Variants in CAD observed in about 807,000 individuals in gnomAD.
CAD encodes multifunctional protein CAD.
In CAD, 81 loss-of-function variants were observed where a neutral mutation model predicts 237.2. The observed-to-expected ratio is 0.34, with a 90% confidence interval of 0.29 to 0.41. CAD has a LOEUF of 0.41. CAD is among the 10% of genes least tolerant of loss of function. CAD has a pLI of 1.00. For synonymous variants in CAD, 1,196 were observed against 1,162.8 expected, an observed-to-expected ratio of 1.03 and a Z score of -0.58; for missense variants, 2,181 against 2,951.7, an observed-to-expected ratio of 0.74 and a Z score of 6.05.
At position 27,233,453 on chromosome 2, in the gene CAD, G is replaced by T. The variant is rs1169888310; in HGVS notation, c.3133G>T (p.Ala1045Ser). 1 of 1,614,118 alleles carries T rather than the reference G, an allele frequency of 6.2e-7. No homozygotes were observed. Among genetic ancestry groups the T allele is most frequent in the Non-Finnish European group, 8.5e-7 (1 of 1,180,054 alleles). Residue 1045 changes from alanine (A) to serine (S), a missense_variant, in exon 20 of 44, where the codon GCT becomes TCT. Coordinates refer to ENST00000264705, the MANE Select transcript of CAD (RefSeq NM_004341.5). This position sits in a 1 kb window ranked among gnomAD's most constrained non-coding sequence, Gnocchi z 6.3. ...CACCTCCCCTGAAGCCATTGACTCG[G>T]CTGAGAACCGTTTCAAGTTTTCCCG... ...LGTSPEAIDS[A>S]ENRFKFSRLL...
Position 27,221,251 on chromosome 2 carries a change from C to G in CAD, c.256C>G (p.Leu86Val), listed in dbSNP as rs762152842. ...ATCCTCGGGCATCCACGTAGCAGCA[C>G]TGGTAGTGGGAGAGTGCTGTCCTAC... ...FESSGIHVAA[L>V]VVGECCPTPS... Residue 86 changes from leucine (L) to valine (V), a missense_variant, in exon 3 of 44, where the codon CTG becomes GTG. Coordinates refer to ENST00000264705, the MANE Select transcript of CAD (RefSeq NM_004341.5). 1.3e-6 allele frequency: 2 copies of G among 1,580,580 alleles called. No homozygotes were observed. The highest frequency in any genetic ancestry group is 2.7e-5 in the African/African-American group (2 of 73,934).
chr2:27,239,067 T>C lies in CAD; in HGVS notation c.5088T>C (p.Cys1696=). 1.9e-6 allele frequency: 3 copies of C among 1,577,266 alleles called. No individual in the cohort carries two copies. The highest frequency in any genetic ancestry group is 2.6e-6 in the Non-Finnish European group (3 of 1,164,194). ...DHAPHTLEEK[C]GSRPPPGFPG... is the part of the protein sequence containing the mutation. ...CTCCCCATACCTTGGAGGAGAAGTG[T>C]GGGTCCAGGCCCCCACCTGGGTTCC... Residue 1696 remains cysteine, a synonymous_variant, in exon 32 of 44, where the codon TGT becomes TGC. Coordinates refer to ENST00000264705, the MANE Select transcript of CAD (RefSeq NM_004341.5). The surrounding 1 kb of genome is among the most constrained non-coding windows in gnomAD (Gnocchi z 4.0).
In CAD at chr2:27,239,025, G is replaced by T. The variant is rs1406006820; in HGVS notation, c.5063-17G>T. The T allele has an allele frequency of 6.5e-7, 1 of 1,538,008 alleles. No homozygotes were observed. Among genetic ancestry groups the T allele is most frequent in the South Asian group, 1.3e-5 (1 of 77,526 alleles). On this transcript the variant is annotated splice_polypyrimidine_tract_variant and intron_variant, in intron 31 of 43. Transcript: ENST00000264705. This position sits in a 1 kb window ranked among gnomAD's most constrained non-coding sequence, Gnocchi z 4.0. ...GGAGGTGATTGGTCCTGAGGGTAAT[G>T]GCTTTCTTTCTCCCAGCTCCCCATA... is the stretch of plus-strand genomic sequence containing the variant.
In CAD at chr2:27,240,236, A is replaced by G. The variant is rs1414135479; in HGVS notation, c.5497-29A>G. Reference sequence around the variant, plus strand: ...TCCGTCTCAAAAGAAAAAAAAAAAAACAACTCTGGGCCAACGTTATCCCTC... The same window carrying G: ...TCCGTCTCAAAAGAAAAAAAAAAAAGCAACTCTGGGCCAACGTTATCCCTC... On this transcript the variant is annotated intron_variant, in intron 34 of 43. Coordinates refer to ENST00000264705, the MANE Select transcript of CAD (RefSeq NM_004341.5). This position sits in a 1 kb window ranked among gnomAD's most constrained non-coding sequence, Gnocchi z 4.6. 3 of 1,555,540 alleles carry G rather than the reference A, an allele frequency of 1.9e-6. No homozygotes were observed. Among genetic ancestry groups the G allele is most frequent in the African/African-American group, 2.8e-5 (2 of 71,532 alleles).
rs756611761 is a variant in CAD, at chr2:27,242,999, C to A, written c.6480+26C>A. On this transcript the variant is annotated intron_variant, in intron 42 of 43. Transcript: ENST00000264705. The surrounding 1 kb of genome is among the most constrained non-coding windows in gnomAD (Gnocchi z 6.4). Reference sequence around the variant, plus strand: ...GTGAGTGCTGGGCTTGAGGAAGAAGCCAGGGCTGCTGCCGTAGGGCATCAG... The same window carrying A: ...GTGAGTGCTGGGCTTGAGGAAGAAGACAGGGCTGCTGCCGTAGGGCATCAG... 8 of 1,555,906 alleles carry A rather than the reference C, an allele frequency of 5.1e-6. No homozygotes were observed. The highest frequency in any genetic ancestry group is 6.2e-6 in the Non-Finnish European group (7 of 1,137,298).
chr2:27,222,090 C>A, intron 3 of CAD, 104 bp from the exon 4 acceptor site: 1 of 1,135,474 alleles, frequency 8.8e-7, no homozygotes, highest in African/African-American at 1.5e-5. Context: ...CATAGAACAG[C>A]TGTGTGTGAC....
Position 27,240,906 on chromosome 2 carries a change from T to C in CAD, c.5594-5T>C, listed in dbSNP as rs746020347. ...TGTATATCTGTCCTCTTGTCCTGTT[T>C]GCAGCTGAGGAGCCAAAGGAGAAGT... On this transcript the variant is annotated splice_polypyrimidine_tract_variant and splice_region_variant and intron_variant, in intron 35 of 43. Coordinates refer to ENST00000264705, the MANE Select transcript of CAD (RefSeq NM_004341.5). This position sits in a 1 kb window ranked among gnomAD's most constrained non-coding sequence, Gnocchi z 4.6. 1 of 1,614,120 alleles carries C rather than the reference T, an allele frequency of 6.2e-7. No homozygotes were observed. The highest frequency in any genetic ancestry group is 1.7e-5 in the Admixed American group (1 of 60,018).
At position 27,241,101 on chromosome 2, in the gene CAD, A is replaced by G. The variant is rs770211648; in HGVS notation, c.5682A>G (p.Pro1894=). 1 of 1,609,264 alleles carries G rather than the reference A, an allele frequency of 6.2e-7. No individual in the cohort carries two copies. Among genetic ancestry groups the G allele is most frequent in the East Asian group, 2.2e-5 (1 of 44,834 alleles). The change falls in exon 37 of 44, where the codon CCA becomes CCG. Residue 1894 remains proline (P), a synonymous_variant. Coordinates refer to ENST00000264705, the MANE Select transcript of CAD (RefSeq NM_004341.5). The surrounding 1 kb of genome is among the most constrained non-coding windows in gnomAD (Gnocchi z 4.6). ...TPDGTCYPPP[P]VPRQASPQNL... ...ATGGCACCTGCTACCCTCCACCACC[A>G]GTACCGAGACAGGCATCTCCCCAGA...
At position 27,242,901 on chromosome 2, in the gene CAD, GC is replaced by G; in HGVS notation, c.6410del (p.Pro2137LeufsTer8). Reference sequence around the variant, plus strand: ...AATTCGAGAGCATTGAGGAGGCGCTGCCTGACACTGATGTGCTCTACATGAC... The same window carrying G: ...AATTCGAGAGCATTGAGGAGGCGCTGCTGACACTGATGTGCTCTACATGAC... Reference protein sequence around the residue: ...EEFESIEEALPDTDVLYMTRI... With the variant: ...EEFESIEEALXDTDVLYMTRI... On this transcript the variant is annotated frameshift_variant, in exon 42 of 44. Coordinates refer to ENST00000264705, the MANE Select transcript of CAD (RefSeq NM_004341.5). LOFTEE classifies it high-confidence loss of function. This position sits in a 1 kb window ranked among gnomAD's most constrained non-coding sequence, Gnocchi z 6.4. 1 of 1,614,088 alleles carries G rather than the reference GC, an allele frequency of 6.2e-7. No individual in the cohort carries two copies. The highest frequency in any genetic ancestry group is 1.1e-5 in the South Asian group (1 of 91,076).
chr2:27,239,263 G>A lies in CAD; in HGVS notation c.5253+31G>A, dbSNP rs1328649356. On this transcript the variant is annotated intron_variant, in intron 32 of 43. Coordinates refer to ENST00000264705, the MANE Select transcript of CAD (RefSeq NM_004341.5). This position sits in a 1 kb window ranked among gnomAD's most constrained non-coding sequence, Gnocchi z 4.0. ...GGGATGAGGCCCAGAGCAGGAGGGG[G>A]GCTCTCCAGCCCTAGGATATGTTCT... The A allele has an allele frequency of 1.2e-6, 2 of 1,600,890 alleles. No individual in the cohort carries two copies. The highest frequency in any genetic ancestry group is 1.3e-5 in the African/African-American group (1 of 74,694).
At position 27,217,831 on chromosome 2, in the gene CAD, TC is replaced by T. The variant is rs760855674; in HGVS notation, c.83-44del. 21 of 1,552,632 alleles carry T rather than the reference TC, an allele frequency of 1.4e-5. No individual in the cohort carries two copies. In the African/African-American group the frequency reaches 2.5e-4, roughly 18 times the overall value. The stretch of plus-strand genomic sequence containing the variant: ...GGCGTGCTCATCGCGCGGGGAGTGT[TC>T]CGAAGGGTGCCCTACCGGAGCCCAG... On this transcript the variant is annotated intron_variant, in intron 1 of 43. Transcript: ENST00000264705.
At chr2:27,230,303 AAC>A (rs1675677897) in intron 15 of CAD, among the ~76,000 whole-genome samples, 1 of 152,106 alleles carries the variant, frequency 6.6e-6, no homozygotes, top group African/African-American at 2.4e-5. Flanking sequence ...ATGAGGAAAA[AAC>A]ACAGGATGGA....
chr2:27,226,697 G>T (rs775874741), intron 14 of CAD, 48 bp downstream of exon 14: 3 of 1,610,424 alleles, frequency 1.9e-6, no homozygotes, highest in Non-Finnish European at 1.7e-6. Flanking sequence ...GTCGGGGGCT[G>T]AGGAAAATAT....
At position 27,221,208 on chromosome 2, in the gene CAD, C is replaced by T; in HGVS notation, c.223-10C>T. On this transcript the variant is annotated splice_polypyrimidine_tract_variant and intron_variant, in intron 2 of 43. Transcript: ENST00000264705. The stretch of plus-strand genomic sequence containing the variant: ...GCCTGAGGCTTCTCACAATCTCTTT[C>T]CATCTACAGTGGTTTGAATCCTCGG... The T allele has an allele frequency of 6.7e-7, 1 of 1,500,508 alleles. No homozygotes were observed. The highest frequency in any genetic ancestry group is 9.0e-7 in the Non-Finnish European group (1 of 1,116,234). 92.9% of individuals were successfully genotyped at this position (1,500,508 alleles called of 1,614,324 possible).
chr2:27,236,449 C>T lies in CAD; in HGVS notation c.4240C>T (p.Arg1414Cys), dbSNP rs1572445313. The T allele has an allele frequency of 1.2e-6, 2 of 1,614,068 alleles. No individual in the cohort carries two copies. The highest frequency in any genetic ancestry group is 1.7e-6 in the Non-Finnish European group (2 of 1,180,028). ...RLSSFVTKGY[R>C]TRRLAADFSV... is the part of the protein sequence containing the mutation. ...CTCTTCCTTTGTCACCAAGGGCTAC[C>T]GCACCCGACGCTTGGCCGCTGACTT... The change falls in exon 26 of 44, where the codon CGC (arginine) becomes TGC (cysteine). Residue 1414 changes from arginine (R) to cysteine (C), a missense_variant. Physicochemically the swap from Arg to Cys is radical, Grantham distance 180. Transcript: ENST00000264705. This position sits in a 1 kb window ranked among gnomAD's most constrained non-coding sequence, Gnocchi z 4.1.
Position 27,223,904 on chromosome 2 carries a change from A to G in CAD, c.996-13A>G, listed in dbSNP as rs199782966. On this transcript the variant is annotated splice_polypyrimidine_tract_variant and intron_variant, in intron 7 of 43. Transcript: ENST00000264705. ...GGACCATGATGGTTTTCATGATGCA[A>G]TCTCTTCAATAGTGTCCAGTTTCAC... The G allele has an allele frequency of 9.4e-6, 15 of 1,599,868 alleles. No homozygotes were observed. Among genetic ancestry groups the G allele is most frequent in the Middle Eastern group, 1.7e-4 (1 of 6,058 alleles).
In CAD at chr2:27,235,325, C is replaced by T. The variant is rs150732650; in HGVS notation, c.3867C>T (p.Ala1289=). Residue 1289 remains alanine, a synonymous_variant, in exon 24 of 44, where the codon GCC becomes GCT. Coordinates refer to ENST00000264705, the MANE Select transcript of CAD (RefSeq NM_004341.5). The surrounding 1 kb of genome is among the most constrained non-coding windows in gnomAD (Gnocchi z 5.2). ...GVEMTSTGEV[A]GFGESRCEAY... ...AAATGACCAGTACTGGGGAGGTGGC[C>T]GGCTTTGGGGAGAGCCGCTGTGAGG... The T allele has an allele frequency of 4.2e-5, 67 of 1,613,860 alleles. No homozygotes were observed. The highest frequency in any genetic ancestry group is 1.6e-4 in the African/African-American group (12 of 74,880).
chr2:27,218,065 G>T, intron 2 of CAD, 49 bp downstream of exon 2: 1 of 1,522,532 alleles, frequency 6.6e-7, no homozygotes, highest in South Asian at 1.3e-5. Context: ...GTCAGTAATT[G>T]TTAACTATTA....
rs1403920952 is a variant in CAD, at chr2:27,243,530, C to T, written c.*12C>T. On this transcript the variant is annotated 3_prime_UTR_variant, in exon 44 of 44. Coordinates refer to ENST00000264705, the MANE Select transcript of CAD (RefSeq NM_004341.5). ...TGGGCCGTTTCTAGGGCCTGGCTTC[C>T]TCAGCCTCTTCTCTTTAGGCCCAGC... 3.2e-6 allele frequency: 5 copies of T among 1,572,084 alleles called. No individual in the cohort carries two copies. In the Admixed American group the frequency reaches 5.6e-5, roughly 18 times the overall value.
Sources: allele counts gnomAD v4.1 joint callset (sites outside exome capture counted in the v4.1 genomes callset), GRCh38; gene constraint gnomAD v4.1.1; non-coding constraint Gnocchi (gnomAD v3.1); transcripts MANE v1.5; gene names NCBI Gene and HGNC (gene_info 2026-07-23, HGNC 2026-07-21).